The following KCNH4 variants were observed in gnomAD, a reference collection of about 807,000 sequenced individuals.
KCNH4 encodes the protein voltage-gated delayed rectifier potassium channel KCNH4.
In KCNH4, 33 loss-of-function variants were observed where a neutral mutation model predicts 90.7. That is an observed-to-expected ratio of 0.36 (90% CI 0.28 to 0.49). The LOEUF (loss-of-function observed/expected upper bound fraction) is 0.49. Among genes scored for constraint, KCNH4 ranks in the 20% least tolerant of loss-of-function variants. The probability of loss-of-function intolerance (pLI) is 0.98; values close to 1 mark genes in which losing one functional copy is unlikely to be tolerated. For synonymous variants in KCNH4, 551 were observed against 581.7 expected (o/e 0.95, Z 0.76); for missense variants, 1,044 against 1,387.1 (o/e 0.75, Z 3.93).
At position 42,158,846 on chromosome 17, in the gene KCNH4, A is replaced by G. The variant is rs1035770252; in HGVS notation, c.*309+885T>C. On this transcript the variant is annotated intron_variant, in intron 16 of 16. Coordinates refer to ENST00000264661, the MANE Select transcript of KCNH4 (RefSeq NM_012285.3). ...TGAGACTCCGTCTATAAAAAAATAT[A>G]TATATATATATTTTTTTTATAGAGA... 9.2e-4 allele frequency among the ~76,000 whole-genome samples: 138 copies of G among 150,804 alleles called. 2 individuals are homozygous for G. Among genetic ancestry groups the G allele is most frequent in the African/African-American group, 3.1e-3 (127 of 41,172 alleles).
rs1402380822 is a variant in KCNH4, at chr17:42,178,831, T to C, written c.272A>G (p.Gln91Arg). ...GAAGCAGATTTCAGCCCGGTGCTCC[T>C]GGTGGCCCTCCAGGGCTTTGTGCAG... ...QRLHKALEGHQEHRAEICFYR... is the reference protein window; with the variant it reads ...QRLHKALEGHREHRAEICFYR... The change falls in exon 2 of 17, where the codon CAG becomes CGG. Residue 91 changes from glutamine (Q) to arginine (R), a missense_variant. Gln to Arg is a conservative substitution (Grantham distance 43). This residue lies in a region of KCNH4 where 283 missense variants were observed against 378.6 expected (regional missense o/e 0.75). Transcript: ENST00000264661. 1.9e-6 allele frequency: 3 copies of C among 1,613,938 alleles called. No homozygotes were observed. The highest frequency in any genetic ancestry group is 2.7e-5 in the African/African-American group (2 of 74,940).
At chr17:42,168,438 G>A (rs1258006211) in intron 9 of KCNH4, among the ~76,000 whole-genome samples, 2 of 152,194 alleles carry the variant, frequency 1.3e-5, no homozygotes, top group African/African-American at 4.8e-5. Flanking sequence ...GATGTCAAGA[G>A]TTCGAGACAA....
At chr17:42,161,225 G>A (rs1307082104) in intron 15 of KCNH4, among the ~76,000 whole-genome samples, 1 of 152,196 alleles carries the variant, frequency 6.6e-6, no homozygotes, top group Non-Finnish European at 1.5e-5. Context: ...ACCGCGCCCG[G>A]CCTATCAGGT....
At chr17:42,178,675 C>T (rs770257943) in intron 2 of KCNH4, 118 bp downstream of exon 2, 218 of 1,135,130 alleles carry the variant, frequency 1.9e-4, no homozygotes, top group Non-Finnish European at 2.6e-4. Context: ...GGATACGCTC[C>T]GTCACAGTCA....
At chr17:42,160,771 A>G (rs1198044885) in intron 15 of KCNH4, among the ~76,000 whole-genome samples, 1 of 152,222 alleles carries the variant, frequency 6.6e-6, no homozygotes, top group East Asian at 1.9e-4. Flanking sequence ...AAGGGTCTCT[A>G]TCAGTGCTTT....
rs780000357 is a variant in KCNH4, at chr17:42,165,411, G to C, written c.2085+38C>G. 4.8e-5 allele frequency: 77 copies of C among 1,607,986 alleles called. No individual in the cohort carries two copies. In the South Asian group the frequency reaches 7.4e-4, roughly 15 times the overall value. On this transcript the variant is annotated intron_variant, in intron 11 of 16. Transcript: ENST00000264661. Reference sequence around the variant, plus strand: ...TGGGGAGGTCTGCTTTGGAGGAAGGGACTCTGGAAGGATGGCGGTCATCAG... The same window carrying C: ...TGGGGAGGTCTGCTTTGGAGGAAGGCACTCTGGAAGGATGGCGGTCATCAG...
chr17:42,165,783 G>A, intron 10 of KCNH4, 90 bp from the exon 11 acceptor site: 1 of 1,503,918 alleles, frequency 6.6e-7, no homozygotes, highest in African/African-American at 1.4e-5. Context: ...GGGGTGGTCA[G>A]TGTGTTTGAA....
chr17:42,172,452 G>A (rs534789470), intron 6 of KCNH4, among the ~76,000 whole-genome samples: 30 of 151,840 alleles, frequency 2.0e-4, no homozygotes, highest in Non-Finnish European at 3.2e-4. Flanking sequence ...GATTACAAGC[G>A]TGAGCCACTG....
chr17:42,175,499 G>C (rs1247658108), intron 6 of KCNH4, 80 bp downstream of exon 6: 1 of 1,505,436 alleles, frequency 6.6e-7, no homozygotes, highest in African/African-American at 1.4e-5. Flanking sequence ...GCATATCTGG[G>C]TTTGGGGTCA....
At chr17:42,171,123 G>A (rs201988815) in intron 7 of KCNH4, among the ~76,000 whole-genome samples, 2 of 152,062 alleles carry the variant, frequency 1.3e-5, no homozygotes, top group Non-Finnish European at 2.9e-5. Flanking sequence ...GTTGAATCCT[G>A]GAACACCCAT....
At position 42,176,216 on chromosome 17, in the gene KCNH4, T is replaced by A. The variant is rs1451529510; in HGVS notation, c.667A>T (p.Ser223Cys). 1 of 1,613,106 alleles carries A rather than the reference T, an allele frequency of 6.2e-7. No individual in the cohort carries two copies. Among genetic ancestry groups the A allele is most frequent in the Non-Finnish European group, 8.5e-7 (1 of 1,179,788 alleles). Residue 223 changes from serine to cysteine, a missense_variant, in exon 5 of 17, where the codon AGC (serine) becomes TGC (cysteine). By Grantham distance (112) the Ser-to-Cys change is moderately radical. This residue lies in a region of KCNH4 where 283 missense variants were observed against 378.6 expected (regional missense o/e 0.75). Transcript: ENST00000264661. ...GGSRCLLLHYSVSKAIWDGLI... is the reference protein window; with the variant it reads ...GGSRCLLLHYCVSKAIWDGLI... ...CCGTCCCAGATGGCCTTGGAGACGCTGTAGTGGAGGAGGAGGCAGCGAGAC... is the reference window on the plus strand; with the variant it reads ...CCGTCCCAGATGGCCTTGGAGACGCAGTAGTGGAGGAGGAGGCAGCGAGAC...
At position 42,178,935 on chromosome 17, in the gene KCNH4, A is replaced by G. The variant is rs1301888620; in HGVS notation, c.168T>C (p.Gly56=). The G allele has an allele frequency of 2.5e-6, 4 of 1,614,060 alleles. No individual in the cohort carries two copies. In the Admixed American group the frequency reaches 6.7e-5, roughly 27 times the overall value. ...AGGTCTTCTGCATGACCTCGGTGCG[A>G]CCGTAGCCTGTGAGCTCGCAGAAGC... ...SDGFCELTGY[G]RTEVMQKTCS... Residue 56 remains glycine (G), a synonymous_variant, in exon 2 of 17, where the codon GGT becomes GGC. Transcript: ENST00000264661.
intron 6 of KCNH4, among the ~76,000 whole-genome samples, chr17:42,172,636 G>A (rs142497738): frequency 6.6e-6 from 1 of 151,704 alleles, no homozygotes; most frequent in East Asian, 1.9e-4. Context: ...AATGAACTGA[G>A]GTTCAGGGAG....
At chr17:42,166,606 A>C in intron 9 of KCNH4, 60 bp from the exon 10 acceptor site, 3 of 1,558,962 alleles carry the variant, frequency 1.9e-6, no homozygotes, top group Non-Finnish European at 2.6e-6. Flanking sequence ...TGAGTCTACA[A>C]ATGTGCTGAG....
rs758183121 is a variant in KCNH4, at chr17:42,160,446, C to T, written c.2659-11G>A. The stretch of plus-strand genomic sequence containing the variant: ...ATTGAGACGAGAGATCTGTTGAAAA[C>T]ACATCGAGTTGTTTCACAGGTGCCA... On this transcript the variant is annotated splice_polypyrimidine_tract_variant and intron_variant, in intron 15 of 16. Transcript: ENST00000264661. 6.4e-7 allele frequency: 1 copy of T among 1,571,736 alleles called. No individual in the cohort carries two copies. The highest frequency in any genetic ancestry group is 1.4e-5 in the African/African-American group (1 of 73,828).
intron 15 of KCNH4, among the ~76,000 whole-genome samples, chr17:42,161,952 C>CTT (rs986564483): frequency 1.5e-3 from 185 of 122,196 alleles, no homozygotes; most frequent in Middle Eastern, 4.1e-3. Flanking sequence ...ATATCTCTCT[C>CTT]TTTTTTTTTT....
At chr17:42,176,509 CTTT>C (rs869250233) in intron 4 of KCNH4, among the ~76,000 whole-genome samples, 130 of 68,370 alleles carry the variant, frequency 1.9e-3, no homozygotes, top group Middle Eastern at 8.5e-3. Context: ...GGCCCTCCTC[CTTT>C]TTTTTTTTTT....
intron 14 of KCNH4, 97 bp from the exon 15 acceptor site, chr17:42,162,418 A>AG: frequency 9.9e-7 from 1 of 1,012,066 alleles, no homozygotes; most frequent in Non-Finnish European, 1.5e-6. Context: ...GGCGGAGAGC[A>AG]GGGGGAGACA....
chr17:42,171,569 C>T (rs1462072310), intron 7 of KCNH4, among the ~76,000 whole-genome samples: 4 of 152,126 alleles, frequency 2.6e-5, no homozygotes, highest in Non-Finnish European at 4.4e-5. Flanking sequence ...ACTGGTCTTG[C>T]TCCCCCACTA....
Sources: gnomAD v4.1 joint callset for allele counts (sites outside exome capture counted in the v4.1 genomes callset) on GRCh38, gnomAD v4.1.1 for gene constraint, gnomAD v4.1.1 regional missense constraint, MANE v1.5 for transcripts, NCBI Gene and HGNC (gene_info 2026-07-23, HGNC 2026-07-21) for gene names.